ETNK1: variants seen among roughly 807,000 people sequenced by gnomAD.
ETNK1 encodes the protein ethanolamine kinase 1, also known as putative protein product of Nbla10396.
A neutral mutation model predicts 45.1 loss-of-function variants in ETNK1; 8 were observed. The ratio of observed to expected loss-of-function variants is 0.18; its 90% CI spans 0.10 to 0.32. The LOEUF (loss-of-function observed/expected upper bound fraction) is 0.32. ETNK1 is among the 10% of genes least tolerant of loss of function. The pLI, the probability that ETNK1 is intolerant of heterozygous loss-of-function variation, is 1.00. For missense variants in ETNK1, 302 were observed against 430.6 expected (o/e 0.70, Z 2.64); for synonymous variants, 152 against 151.9 (o/e 1.00, Z -0.01).
chr12:22,637,968 T>C (rs138545197), intron 1 of ETNK1, among the ~76,000 whole-genome samples: 26 of 152,130 alleles, frequency 1.7e-4, no homozygotes, highest in Admixed American at 4.6e-4. Context: ...AGAATGGTAT[T>C]TAAAAATAAG....
rs1232018746 is a variant in ETNK1 at position 22,650,373 on chromosome 12, CTTCAAAT to C, written c.416+6353_416+6359del. The stretch of plus-strand genomic sequence containing the variant: ...TTTATTCCTGATCTTAGTGGGAAAT[CTTCAAAT>C]TACGTGTCATTAAGTAGGATGTTAG... On this transcript the variant is annotated intron_variant, in intron 2 of 7. Coordinates refer to ENST00000266517, the MANE Select transcript of ETNK1 (RefSeq NM_018638.5). 5.3e-5 allele frequency among the ~76,000 whole-genome samples: 8 copies of C among 151,518 alleles called. No individual in the cohort carries two copies. The South Asian group carries it at 8.3e-4, about 16-fold the overall frequency.
chr12:22,634,107 T>G (rs951982079), intron 1 of ETNK1, among the ~76,000 whole-genome samples: 2 of 152,140 alleles, frequency 1.3e-5, no homozygotes, highest in Admixed American at 6.5e-5. Context: ...TCTACCAGAT[T>G]AAGCAAGTTT....
chr12:22,657,470 T>A (rs950771922), intron 2 of ETNK1, among the ~76,000 whole-genome samples: 5 of 152,050 alleles, frequency 3.3e-5, no homozygotes, highest in Non-Finnish European at 7.4e-5. Flanking sequence ...TGTAACAATG[T>A]CATTAGGAAT....
intron 1 of ETNK1, among the ~76,000 whole-genome samples, chr12:22,634,702 C>T (rs374554043): frequency 8.5e-5 from 13 of 152,126 alleles, no homozygotes; most frequent in Middle Eastern, 3.4e-3. Context: ...GCCCCATGCC[C>T]GGCTAATTTT....
chr12:22,643,395 G>C (rs552865119), intron 1 of ETNK1, among the ~76,000 whole-genome samples: 1 of 152,068 alleles, frequency 6.6e-6, no homozygotes, highest in African/African-American at 2.4e-5. Context: ...TACATTCCCT[G>C]TATGTGTACA....
At chr12:22,644,224 ACT>A in intron 2 of ETNK1, 1 of 1,604,342 alleles carries the variant, frequency 6.2e-7, no homozygotes, top group Non-Finnish European at 8.5e-7. Flanking sequence ...ATCATCGTTG[ACT>A]CTTTGCAAAG....
intron 2 of ETNK1, chr12:22,656,354 A>G: frequency 1.0e-6 from 1 of 959,800 alleles, no homozygotes; most frequent in Non-Finnish European, 1.2e-6. Context: ...AAAGTATTAT[A>G]GTTGTCTGAC....
chr12:22,676,797 C>A (rs1018402667), intron 6 of ETNK1, among the ~76,000 whole-genome samples: 1 of 151,666 alleles, frequency 6.6e-6, no homozygotes, highest in Non-Finnish European at 1.5e-5. Context: ...GTTTGTTGAC[C>A]GTATAAATGT....
Position 22,625,562 on chromosome 12 carries a change from G to T in ETNK1, c.132G>T (p.Trp44Cys). 1 of 1,599,082 alleles carries T rather than the reference G, an allele frequency of 6.3e-7. No homozygotes were observed. Residue 44 changes from tryptophan to cysteine, a missense_variant, in exon 1 of 8, where the codon TGG (tryptophan) becomes TGT (cysteine). Trp to Cys is a radical substitution (Grantham distance 215, BLOSUM62 -2). Coordinates refer to ENST00000266517, the MANE Select transcript of ETNK1 (RefSeq NM_018638.5). Reference protein sequence around the residue: ...LSLLQHLRPHWDPQEVTLQLF... With the variant: ...LSLLQHLRPHCDPQEVTLQLF... ...TCCTGCAACACCTGCGGCCTCACTG[G>T]GACCCCCAGGAGGTGACCCTGCAGG...
At chr12:22,649,843 T>C (rs1425217876) in intron 2 of ETNK1, among the ~76,000 whole-genome samples, 2 of 152,100 alleles carry the variant, frequency 1.3e-5, no homozygotes, top group African/African-American at 4.8e-5. Context: ...TATCACAAAA[T>C]AACTTGCTGG....
At chr12:22,657,467 A>G (rs1286555553) in intron 2 of ETNK1, among the ~76,000 whole-genome samples, 7 of 152,040 alleles carry the variant, frequency 4.6e-5, no homozygotes, top group Non-Finnish European at 4.4e-5. Flanking sequence ...GACTGTAACA[A>G]TGTCATTAGG....
chr12:22,634,923 C>G (rs941842212), intron 1 of ETNK1, among the ~76,000 whole-genome samples: 2 of 152,098 alleles, frequency 1.3e-5, no homozygotes, highest in African/African-American at 4.8e-5. Flanking sequence ...TATTTCCTTC[C>G]TAATCGTTTT....
chr12:22,654,031 T>C (rs147964662), intron 2 of ETNK1, among the ~76,000 whole-genome samples: 16 of 152,312 alleles, frequency 1.1e-4, no homozygotes, highest in African/African-American at 3.6e-4. Flanking sequence ...GAAATAGTAT[T>C]AAGAGGTGTG....
chr12:22,666,136 A>T (rs750341067), intron 4 of ETNK1, among the ~76,000 whole-genome samples: 4 of 152,214 alleles, frequency 2.6e-5, no homozygotes, highest in Non-Finnish European at 5.9e-5. Context: ...GACTCAGGAC[A>T]TGGGAGAAGA....
At chr12:22,656,790 A>G (rs1210271021) in intron 2 of ETNK1, 2 of 983,038 alleles carry the variant, frequency 2.0e-6, no homozygotes, top group South Asian at 4.7e-5. Flanking sequence ...ATTTAAAAAA[A>G]CCACAGCAAA....
intron 1 of ETNK1, among the ~76,000 whole-genome samples, chr12:22,628,555 A>G (rs1378769173): frequency 1.3e-5 from 2 of 152,024 alleles, no homozygotes; most frequent in South Asian, 2.1e-4. Context: ...TTCTTTGGAG[A>G]GTCATCGTAT....
rs1291352819 is a variant in ETNK1 at position 22,682,851 on chromosome 12, G to A, written c.946-1632G>A. ...ATTATGAAAGTAATTTTGGGCCTCC[G>A]AAAACTCCCATGGGTTCATCGACCA... is the stretch of plus-strand genomic sequence containing the variant. On this transcript the variant is annotated intron_variant, in intron 6 of 7. Coordinates refer to ENST00000266517, the MANE Select transcript of ETNK1 (RefSeq NM_018638.5). 3.3e-5 allele frequency among the ~76,000 whole-genome samples: 5 copies of A among 152,226 alleles called. No individual in the cohort carries two copies. In the East Asian group the frequency reaches 7.7e-4, roughly 23 times the overall value.
In ETNK1 at chr12:22,661,172, T is replaced by C. The variant is rs777406621; in HGVS notation, c.667T>C (p.Leu223=). 47 of 1,611,192 alleles carry C rather than the reference T, an allele frequency of 2.9e-5. No homozygotes were observed. The highest frequency in any genetic ancestry group is 3.8e-5 in the Non-Finnish European group (45 of 1,179,248). The change falls in exon 4 of 8, where the codon TTG becomes CTG. Residue 223 remains leucine (L), a synonymous_variant. Transcript: ENST00000266517. ...TGTTGTGCTTTGCCATAATGACCTA[T>C]TGTGTAAGAATATAATCTACAATGA... ...SPVVLCHNDL[L]CKNIIYNEKQ... is the part of the protein sequence containing the mutation.
intron 5 of ETNK1, 69 bp downstream of exon 5, chr12:22,671,424 A>T: frequency 9.4e-7 from 1 of 1,066,164 alleles, no homozygotes; most frequent in Non-Finnish European, 1.4e-6. Context: ...CTTTTTTTAA[A>T]GTAGATAAAC....
Sources: gnomAD v4.1 joint callset for allele counts (sites outside exome capture counted in the v4.1 genomes callset) on GRCh38, gnomAD v4.1.1 for gene constraint, MANE v1.5 for transcripts, NCBI Gene and HGNC (gene_info 2026-07-23, HGNC 2026-07-21) for gene names.